HEATR5B: variants seen among roughly 807,000 people sequenced by gnomAD.
HEATR5B encodes the protein HEAT repeat containing 5B.
Under a neutral mutation model 224.1 loss-of-function variants are expected in HEATR5B, and 156 were observed. The observed-to-expected ratio is 0.70, with a 90% CI of 0.61 to 0.80. HEATR5B has a LOEUF of 0.80. HEATR5B is among the 30% of genes least tolerant of loss of function. The pLI, the probability that HEATR5B is intolerant of heterozygous loss-of-function variation, is 0.00. For missense variants in HEATR5B, 2,323 were observed against 2,535.5 expected (o/e 0.92, Z 1.80); for synonymous variants, 1,027 against 893.0 (o/e 1.15, Z -2.68).
intron 33 of HEATR5B, among the ~76,000 whole-genome samples, 185 bp downstream of exon 33, chr2:37,000,401 A>T (rs60572996): frequency 0.18 from 27,873 of 152,178 alleles, 3,228 homozygotes; most frequent in East Asian, 0.52. Context: ...CTATTAACAC[A>T]AGGGCATTTA....
At chr2:37,019,725 C>A in intron 26 of HEATR5B, 84 bp downstream of exon 26, 1 of 1,000,994 alleles carries the variant, frequency 1.0e-6, no homozygotes, top group Non-Finnish European at 1.5e-6. Context: ...CCAAATTTTT[C>A]TCTATTCCTT....
chr2:37,057,918 T>C (rs1671015457), intron 14 of HEATR5B, among the ~76,000 whole-genome samples: 1 of 152,182 alleles, frequency 6.6e-6, no homozygotes, highest in South Asian at 2.1e-4. Context: ...TATTGCCCAA[T>C]AATGTACAAT....
Position 37,000,813 on chromosome 2 carries a change from C to G in HEATR5B, c.5318G>C (p.Gly1773Ala). 1 of 1,601,574 alleles carries G rather than the reference C, an allele frequency of 6.2e-7. No homozygotes were observed. Among genetic ancestry groups the G allele is most frequent in the Non-Finnish European group, 8.6e-7 (1 of 1,168,852 alleles). The change falls in exon 33 of 36, where the codon GGA (glycine) becomes GCA (alanine). Residue 1773 changes from glycine to alanine, a missense_variant and splice_region_variant. This residue lies in a region of HEATR5B where 844 missense variants were observed against 812.9 expected (regional missense o/e 1.04). Transcript: ENST00000233099. ...SDLPSLCSPAGCMTILPTILF... is the reference protein window; with the variant it reads ...SDLPSLCSPAACMTILPTILF... ...AATTGTGGGCAGGATTGTCATACATCCTGAAAGAAAAACAAATCAGATCAC... is the reference window on the plus strand; with the variant it reads ...AATTGTGGGCAGGATTGTCATACATGCTGAAAGAAAAACAAATCAGATCAC...
At position 37,062,023 on chromosome 2, in the gene HEATR5B, A is replaced by G. The variant is rs1335540302; in HGVS notation, c.1612T>C (p.Leu538=). 1 of 1,613,132 alleles carries G rather than the reference A, an allele frequency of 6.2e-7. No individual in the cohort carries two copies. Among genetic ancestry groups the G allele is most frequent in the Non-Finnish European group, 8.5e-7 (1 of 1,179,118 alleles). Residue 538 remains leucine, a synonymous_variant, in exon 11 of 36, where the codon TTA becomes CTA. Transcript: ENST00000233099. ...KMVVSIAEDL[L]RTAAQNSRLS... ...CTGCTATTTTGGGCAGCAGTTCGTAAAAGATCTTCAGCAATACTAACTACC... is the reference window on the plus strand; with the variant it reads ...CTGCTATTTTGGGCAGCAGTTCGTAGAAGATCTTCAGCAATACTAACTACC...
intron 5 of HEATR5B, among the ~76,000 whole-genome samples, chr2:37,072,548 AAAG>A (rs1191742815): frequency 5.3e-5 from 8 of 152,162 alleles, no homozygotes; most frequent in African/African-American, 1.4e-4. Context: ...CCACATTAGA[AAAG>A]AAGAAGGGTC....
Position 37,012,539 on chromosome 2 carries a change from C to G in HEATR5B, c.4284+1302G>C, listed in dbSNP as rs1162560589. Among the ~76,000 whole-genome samples, 10 of 152,050 alleles carry G rather than the reference C, an allele frequency of 6.6e-5. No homozygotes were observed. In the East Asian group the frequency reaches 1.7e-3, roughly 26 times the overall value. ...CCAAGTAGCTGGGATTACAGGCATGCACCACCATGCCAGGGTAATTTTGTA... is the reference window on the plus strand; with the variant it reads ...CCAAGTAGCTGGGATTACAGGCATGGACCACCATGCCAGGGTAATTTTGTA... On this transcript the variant is annotated intron_variant, in intron 27 of 35. Transcript: ENST00000233099.
At chr2:37,077,672 T>C (rs1025593313) in intron 3 of HEATR5B, among the ~76,000 whole-genome samples, 8 of 152,256 alleles carry the variant, frequency 5.3e-5, no homozygotes, top group African/African-American at 1.9e-4. Context: ...CTCTCTTCTT[T>C]CATTATATGT....
intron 18 of HEATR5B, among the ~76,000 whole-genome samples, chr2:37,046,875 CGTT>C (rs1161640931): frequency 1.3e-5 from 2 of 151,300 alleles, no homozygotes; most frequent in East Asian, 3.9e-4. Flanking sequence ...CATGGTGAAA[CGTT>C]GTCTCTACTA....
At position 37,012,310 on chromosome 2, in the gene HEATR5B, A is replaced by G. The variant is rs367905491; in HGVS notation, c.4284+1531T>C. On this transcript the variant is annotated intron_variant, in intron 27 of 35. Coordinates refer to ENST00000233099, the MANE Select transcript of HEATR5B (RefSeq NM_019024.3). ...CCACTTTTTTGTGAATAATAACACC[A>G]TAACAAATACCCTTGTAGCAGAACC... 2.2e-4 allele frequency among the ~76,000 whole-genome samples: 33 copies of G among 152,342 alleles called. 1 individual carries two copies. In the South Asian group the frequency reaches 6.2e-3, roughly 29 times the overall value.
At chr2:37,032,310 G>A (rs932372655) in intron 22 of HEATR5B, among the ~76,000 whole-genome samples, 2 of 151,874 alleles carry the variant, frequency 1.3e-5, no homozygotes, top group South Asian at 4.2e-4. Context: ...CCACCACCCA[G>A]ACTGGAGCAC....
chr2:37,033,594 T>A (rs938155392), intron 21 of HEATR5B, among the ~76,000 whole-genome samples: 4 of 152,208 alleles, frequency 2.6e-5, no homozygotes, highest in Admixed American at 1.3e-4. Flanking sequence ...TTTGCCACAG[T>A]ATTTTTTTCA....
chr2:36,998,470 T>C (rs879755150), intron 33 of HEATR5B, among the ~76,000 whole-genome samples: 2 of 152,214 alleles, frequency 1.3e-5, no homozygotes, highest in African/African-American at 4.8e-5. Flanking sequence ...CATGTAGCTA[T>C]GTTGGAGGTC....
chr2:37,003,479 T>C (rs1667219781), intron 31 of HEATR5B, 63 bp downstream of exon 31: 1 of 1,209,988 alleles, frequency 8.3e-7, no homozygotes. Context: ...CTGGCGTTAA[T>C]ATTTTAAAAA....
intron 33 of HEATR5B, among the ~76,000 whole-genome samples, chr2:36,994,237 C>T (rs949252326): frequency 6.6e-6 from 1 of 152,084 alleles, no homozygotes; most frequent in African/African-American, 2.4e-5. Context: ...GAAGGGTATG[C>T]TGGAGTTCCT....
intron 28 of HEATR5B, chr2:37,008,354 T>C: frequency 1.9e-6 from 1 of 516,538 alleles, no homozygotes; most frequent in Non-Finnish European, 3.5e-6. Context: ...CATAGCTATT[T>C]AGAATACCCT....
In HEATR5B at chr2:37,027,955, A is replaced by C; in HGVS notation, c.3821T>G (p.Leu1274Trp). The change falls in exon 24 of 36, where the codon TTG becomes TGG. Residue 1274 changes from leucine (L) to tryptophan (W), a missense_variant. This residue lies in a region of HEATR5B where 339 missense variants were observed against 378.4 expected (regional missense o/e 0.90). Transcript: ENST00000233099. ...NADQAHFDLA[L>W]ARSAKLRNPT... is the part of the protein sequence containing the mutation. Reference sequence around the variant, plus strand: ...GTTTCGAAGTTTAGCAGAACGTGCCAAGGCAAGATCAAAGTGAGCCTGGTC... The same window carrying C: ...GTTTCGAAGTTTAGCAGAACGTGCCCAGGCAAGATCAAAGTGAGCCTGGTC... 1.2e-6 allele frequency: 2 copies of C among 1,614,218 alleles called. No homozygotes were observed. Among genetic ancestry groups the C allele is most frequent in the Non-Finnish European group, 8.5e-7 (1 of 1,180,022 alleles).
At chr2:37,019,227 G>T (rs142791393) in intron 26 of HEATR5B, among the ~76,000 whole-genome samples, 10 of 151,810 alleles carry the variant, frequency 6.6e-5, no homozygotes, top group African/African-American at 2.2e-4. Flanking sequence ...AACAAGGTGA[G>T]AATAATTCCC....
chr2:36,985,341 C>G (rs1665872134), intron 35 of HEATR5B, among the ~76,000 whole-genome samples: 1 of 152,056 alleles, frequency 6.6e-6, no homozygotes, highest in South Asian at 2.1e-4. Flanking sequence ...ATTTTAAAAA[C>G]AGGCAAACTG....
In HEATR5B at chr2:36,981,428, C is replaced by A; in HGVS notation, c.*62G>T. Reference sequence around the variant, plus strand: ...AACCCATAGGTAGCCTGGAATGATACAGTGGCCATCACTAATTAGGGGCTA... The same window carrying A: ...AACCCATAGGTAGCCTGGAATGATAAAGTGGCCATCACTAATTAGGGGCTA... On this transcript the variant is annotated 3_prime_UTR_variant, in exon 36 of 36. Coordinates refer to ENST00000233099, the MANE Select transcript of HEATR5B (RefSeq NM_019024.3). The A allele has an allele frequency of 7.9e-7, 1 of 1,259,462 alleles. No homozygotes were observed. Among genetic ancestry groups the A allele is most frequent in the Non-Finnish European group, 1.1e-6 (1 of 900,460 alleles). 78.0% of individuals were successfully genotyped at this position (1,259,462 alleles called of 1,614,324 possible). A position where few individuals can be genotyped will look rare whatever the true frequency, so the allele number is the denominator to read the frequency against.
Sources: gnomAD v4.1 joint callset for allele counts (sites outside exome capture counted in the v4.1 genomes callset) on GRCh38, gnomAD v4.1.1 for gene constraint, gnomAD v4.1.1 regional missense constraint, MANE v1.5 for transcripts, NCBI Gene and HGNC (gene_info 2026-07-23, HGNC 2026-07-21) for gene names.